The following PCNT variants were observed in gnomAD, a reference collection of about 807,000 sequenced individuals.
The protein encoded by PCNT is kendrin.
Under a neutral mutation model 380.4 loss-of-function variants are expected in PCNT, and 319 were observed. The ratio of observed to expected loss-of-function variants is 0.84; its 90% CI spans 0.77 to 0.92. PCNT has a LOEUF of 0.92. Ranked by LOEUF, PCNT falls within the 40% of genes least tolerant of loss-of-function variation. The pLI, the probability that PCNT is intolerant of heterozygous loss-of-function variation, is 0.00. For missense variants in PCNT, 4,400 were observed against 4,255.3 expected, an observed-to-expected ratio of 1.03 and a Z score of -0.95; for synonymous variants, 1,845 against 1,735.2, an observed-to-expected ratio of 1.06 and a Z score of -1.57.
In PCNT at chr21:46,351,531, G is replaced by A. The variant is rs566891517; in HGVS notation, c.1447G>A (p.Glu483Lys). The stretch of plus-strand genomic sequence containing the variant: ...TGATTCTGCCAGGACCAGTAGACAG[G>A]AATTGAGTGGTGAGGAATTGTATTG... ...QLDSARTSRQ[E>K]LSELHEQLLA... Residue 483 changes from glutamate to lysine, a missense_variant, in exon 9 of 47, where the codon GAA (glutamate) becomes AAA (lysine). By Grantham distance (56) the Glu-to-Lys change is moderately conservative. Transcript: ENST00000359568. 6.3e-7 allele frequency: 1 copy of A among 1,583,744 alleles called. No homozygotes were observed. Among genetic ancestry groups the A allele is most frequent in the East Asian group, 2.2e-5 (1 of 44,752 alleles).
intron 30 of PCNT, 53 bp from the exon 31 acceptor site, chr21:46,418,150 GC>G: frequency 8.9e-7 from 1 of 1,122,962 alleles, no homozygotes; most frequent in Non-Finnish European, 1.4e-6. Flanking sequence ...GGCAAAGTCA[GC>G]GCTATGATGT....
intron 32 of PCNT, among the ~76,000 whole-genome samples, chr21:46,424,146 G>A (rs975111076): frequency 6.6e-5 from 10 of 152,196 alleles, no homozygotes; most frequent in African/African-American, 2.2e-4. Context: ...CGCCAAGAGT[G>A]TGGTCGACGC....
At chr21:46,374,497 G>A (rs2085268335) in intron 15 of PCNT, among the ~76,000 whole-genome samples, 1 of 152,090 alleles carries the variant, frequency 6.6e-6, no homozygotes, top group Non-Finnish European at 1.5e-5. Context: ...AATGCTTCTT[G>A]TATGGTGGCC....
intron 21 of PCNT, among the ~76,000 whole-genome samples, chr21:46,391,685 G>A (rs1424776448): frequency 2.0e-5 from 3 of 152,300 alleles, no homozygotes; most frequent in Non-Finnish European, 2.9e-5. Context: ...AGCCGAGTGC[G>A]GCAAACAAGA....
At chr21:46,354,597 C>T (rs1435844210) in intron 11 of PCNT, among the ~76,000 whole-genome samples, 7 of 152,198 alleles carry the variant, frequency 4.6e-5, no homozygotes, top group Non-Finnish European at 1.0e-4. Flanking sequence ...GCAGCATGAG[C>T]AAGCCCGGTG....
Position 46,416,197 on chromosome 21 carries a change from C to T in PCNT, c.6279C>T (p.Asp2093=), listed in dbSNP as rs1206764805. ...CCTTCCAGAATGTGGATGCTGCCGA[C>T]ACCAAATCTCTGTGGCCCATGGCCT... is the stretch of plus-strand genomic sequence containing the variant. The part of the protein sequence containing the change: ...SMTFQNVDAA[D]TKSLWPMASA... Residue 2093 remains aspartate, a synonymous_variant, in exon 30 of 47, where the codon GAC becomes GAT. Coordinates refer to ENST00000359568, the MANE Select transcript of PCNT (RefSeq NM_006031.6). 2 of 1,614,226 alleles carry T rather than the reference C, an allele frequency of 1.2e-6. No individual in the cohort carries two copies. Among genetic ancestry groups the T allele is most frequent in the East Asian group, 2.2e-5 (1 of 44,890 alleles).
At chr21:46,428,628 C>T (rs770976875) in intron 35 of PCNT, 38 bp downstream of exon 35, 126 of 1,522,540 alleles carry the variant, frequency 8.3e-5, no homozygotes, top group Non-Finnish European at 1.1e-4. Context: ...GGCCCGGCCT[C>T]TGCACCTGCC....
chr21:46,412,886 A>G lies in PCNT; in HGVS notation c.6044A>G (p.Lys2015Arg), dbSNP rs1297236046. 1.2e-6 allele frequency: 2 copies of G among 1,612,836 alleles called. No homozygotes were observed. The highest frequency in any genetic ancestry group is 2.7e-5 in the African/African-American group (2 of 74,938). ...ACGTTGAAGGATGCACCTCTCTGCA[A>G]GCAAGAAGGCGTGATGTCAGTGCTC... ...LVTLKDAPLC[K>R]QEGVMSVLTV... is the part of the protein sequence containing the mutation. Residue 2015 changes from lysine (K) to arginine (R), a missense_variant, in exon 29 of 47, where the codon AAG becomes AGG. Coordinates refer to ENST00000359568, the MANE Select transcript of PCNT (RefSeq NM_006031.6).
chr21:46,326,166 G>A (rs558270568), intron 1 of PCNT, among the ~76,000 whole-genome samples: 1 of 152,314 alleles, frequency 6.6e-6, no homozygotes, highest in South Asian at 2.1e-4. Context: ...TTCTTTACCA[G>A]GCATAATTAG....
rs146006811 is a variant in PCNT at position 46,416,477 on chromosome 21, G to T, written c.6559G>T (p.Asp2187Tyr). The T allele has an allele frequency of 3.0e-5, 48 of 1,614,036 alleles. No homozygotes were observed. The highest frequency in any genetic ancestry group is 3.9e-5 in the Non-Finnish European group (46 of 1,180,036). ...SPIQEKSECQ[D>Y]MSLSSPTSVL... is the part of the protein sequence containing the mutation. ...CATTCAAGAAAAATCAGAATGTCAGGACATGTCTCTTTCTTCACCGACCAG... is the reference window on the plus strand; with the variant it reads ...CATTCAAGAAAAATCAGAATGTCAGTACATGTCTCTTTCTTCACCGACCAG... The change falls in exon 30 of 47, where the codon GAC becomes TAC. Residue 2187 changes from aspartate (D) to tyrosine (Y), a missense_variant. Transcript: ENST00000359568.
intron 35 of PCNT, among the ~76,000 whole-genome samples, chr21:46,429,278 CAG>C (rs1051276594): frequency 1.1e-5 from 1 of 94,028 alleles, no homozygotes; most frequent in African/African-American, 7.4e-5. Context: ...AAGCGCTTGT[CAG>C]GGGCATGGGC....
At position 46,390,792 on chromosome 21, in the gene PCNT, A is replaced by C. The variant is rs1269271029; in HGVS notation, c.3963A>C (p.Ala1321=). 1.2e-6 allele frequency: 2 copies of C among 1,611,998 alleles called. No individual in the cohort carries two copies. Among genetic ancestry groups the C allele is most frequent in the Admixed American group, 3.3e-5 (2 of 59,816 alleles). ...TGGAGTGTTTGAAGGAGGAGAGCGCAGCAAAGGCAGAGCTGGCGCTGGAGC... is the reference window on the plus strand; with the variant it reads ...TGGAGTGTTTGAAGGAGGAGAGCGCCGCAAAGGCAGAGCTGGCGCTGGAGC... The part of the protein sequence containing the change: ...ELLECLKEES[A]AKAELALELH... The change falls in exon 20 of 47, where the codon GCA becomes GCC. Residue 1321 remains alanine (A), a synonymous_variant. Transcript: ENST00000359568.
At chr21:46,334,204 CAA>C (rs35021942) in intron 2 of PCNT, among the ~76,000 whole-genome samples, 191 bp from the exon 3 acceptor site, 67 of 97,086 alleles carry the variant, frequency 6.9e-4, no homozygotes, top group African/African-American at 1.0e-3. Context: ...GACTCCGTCT[CAA>C]AAAAAAAAAA....
Position 46,430,273 on chromosome 21 carries a change from C to T in PCNT, c.7913+41C>T, listed in dbSNP as rs754461306. ...CTTCCTGGGACACTGGCGGGAGTCC[C>T]CCCGTTGTGCCATGTTTTCTTGGTG... On this transcript the variant is annotated intron_variant, in intron 36 of 46. Transcript: ENST00000359568. 5 of 1,558,234 alleles carry T rather than the reference C, an allele frequency of 3.2e-6. No individual in the cohort carries two copies. The South Asian group carries it at 4.5e-5, about 14-fold the overall frequency.
chr21:46,428,263 A>G (rs2087592731), intron 34 of PCNT, 132 bp from the exon 35 acceptor site: 6 of 827,126 alleles, frequency 7.3e-6, no homozygotes, highest in South Asian at 5.8e-5. Context: ...GAGGCCCAGC[A>G]GATACTGTGC....
chr21:46,413,311 C>CGCGAGGTCCCCCCGGGAGAGGCTGG (rs2086872089), intron 29 of PCNT, among the ~76,000 whole-genome samples: 1 of 99,594 alleles, frequency 1.0e-5, no homozygotes, highest in Non-Finnish European at 2.0e-5. Flanking sequence ...ACGGGGAAGG[C>CGCGAGGTCCCCCCGGGAGAGGCTGG]ACGAGGCCCA....
intron 31 of PCNT, chr21:46,420,648 G>T: frequency 6.5e-6 from 1 of 152,946 alleles, no homozygotes; most frequent in South Asian, 2.0e-4. Flanking sequence ...GTGGAGCTCT[G>T]ACCACCCGCT....
chr21:46,365,567 G>C (rs535404445), intron 14 of PCNT, among the ~76,000 whole-genome samples: 1 of 125,536 alleles, frequency 8.0e-6, no homozygotes, highest in African/African-American at 3.1e-5. Flanking sequence ...GTGGGGTTCT[G>C]TTCACTCCCA....
chr21:46,389,072 C>A, intron 18 of PCNT, 127 bp from the exon 19 acceptor site: 4 of 1,259,394 alleles, frequency 3.2e-6, no homozygotes, highest in Non-Finnish European at 4.5e-6. Context: ...CTCCCGTGGA[C>A]GTGGCGCTGA....
Sources: gnomAD v4.1 joint callset for allele counts (sites outside exome capture counted in the v4.1 genomes callset) on GRCh38, gnomAD v4.1.1 for gene constraint, MANE v1.5 for transcripts, NCBI Gene and HGNC (gene_info 2026-07-23, HGNC 2026-07-21) for gene names.